The following LRP5 variants were observed in gnomAD, a reference collection of about 807,000 sequenced individuals.
LRP5 encodes low-density lipoprotein receptor-related protein 5.
In LRP5, 62 loss-of-function variants were observed where a neutral mutation model predicts 154.1. The ratio of observed to expected loss-of-function variants is 0.40; its 90% CI spans 0.33 to 0.50. The LOEUF is 0.50. Ranked by LOEUF, LRP5 falls within the 20% of genes least tolerant of loss-of-function variation. LRP5 has a pLI of 0.55. For missense variants in LRP5, 1,915 were observed against 2,336.7 expected, an observed-to-expected ratio of 0.82 and a Z score of 3.72; for synonymous variants, 966 against 1,011.5, an observed-to-expected ratio of 0.96 and a Z score of 0.85.
intron 1 of LRP5, among the ~76,000 whole-genome samples, chr11:68,324,824 G>A (rs1458335721): frequency 6.6e-6 from 1 of 152,208 alleles, no homozygotes. Context: ...CCCGTGGGCT[G>A]TGGGTCCCTG....
chr11:68,320,816 T>C lies in LRP5; in HGVS notation c.91+8011T>C, dbSNP rs192829188. Among the ~76,000 whole-genome samples the C allele has an allele frequency of 1.2e-3, 190 of 152,300 alleles. 1 individual carries two copies. Among genetic ancestry groups the C allele is most frequent in the Non-Finnish European group, 2.1e-3 (146 of 68,024 alleles). On this transcript the variant is annotated intron_variant, in intron 1 of 22. Coordinates refer to ENST00000294304, the MANE Select transcript of LRP5 (RefSeq NM_002335.4). ...GGTCTTTATTTGGTATGGACTTTAA[T>C]TCTTTGTTCTGTTTGTTTCAGGTTT...
rs1425045233 is a variant in LRP5 at position 68,318,693 on chromosome 11, A to G, written c.91+5888A>G. Reference sequence around the variant, plus strand: ...AGGTGAAGGTTCACTCAAGGAGGAAAGTGGTTTTTAGCCTTTTGAGGGGCT... The same window carrying G: ...AGGTGAAGGTTCACTCAAGGAGGAAGGTGGTTTTTAGCCTTTTGAGGGGCT... On this transcript the variant is annotated intron_variant, in intron 1 of 22. Transcript: ENST00000294304. Among the ~76,000 whole-genome samples the G allele has an allele frequency of 2.0e-5, 3 of 152,114 alleles. No individual in the cohort carries two copies. In the South Asian group the frequency reaches 6.2e-4, roughly 32 times the overall value.
chr11:68,358,126 G>GT (rs1183886660), intron 3 of LRP5, among the ~76,000 whole-genome samples: 3 of 150,364 alleles, frequency 2.0e-5, no homozygotes, highest in East Asian at 3.9e-4. Flanking sequence ...TTTTAACTTT[G>GT]TTTTTTTGAG....
At chr11:68,434,656 A>G (rs1440502990) in intron 18 of LRP5, among the ~76,000 whole-genome samples, 1 of 152,218 alleles carries the variant, frequency 6.6e-6, no homozygotes, top group Non-Finnish European at 1.5e-5. Context: ...CTGGGATTAC[A>G]GGCATGAGCC....
chr11:68,433,091 G>T (rs1365481092), intron 17 of LRP5, among the ~76,000 whole-genome samples: 1 of 152,226 alleles, frequency 6.6e-6, no homozygotes, highest in Admixed American at 6.5e-5. Context: ...GGTCACCACA[G>T]AGGCCTGGCC....
intron 1 of LRP5, among the ~76,000 whole-genome samples, chr11:68,333,660 G>A (rs189312754): frequency 6.7e-4 from 102 of 152,290 alleles, no homozygotes; most frequent in Admixed American, 1.8e-3. Context: ...TGCAGACTCC[G>A]TTATAGTCAT....
Position 68,413,936 on chromosome 11 carries a change from C to A in LRP5, c.2751C>A (p.Cys917Ter), listed in dbSNP as rs1365931048. ...ACAACGGGCAGTGTGGGCAGCTGTG[C>A]CTTGCCATCCCCGGCGGCCACCGCT... ...MHNNGQCGQL[C>*]LAIPGGHRCG... The change falls in exon 12 of 23, where the codon TGC becomes TGA. Residue 917 changes from cysteine to a stop codon, truncating the protein, a stop_gained. Transcript: ENST00000294304. LOFTEE classifies it high-confidence loss of function. This position sits in a 1 kb window ranked among gnomAD's most constrained non-coding sequence, Gnocchi z 5.1. 6.2e-7 allele frequency: 1 copy of A among 1,610,780 alleles called. No homozygotes were observed. Among genetic ancestry groups the A allele is most frequent in the Non-Finnish European group, 8.5e-7 (1 of 1,180,004 alleles).
At chr11:68,368,133 A>G (rs531738872) in intron 5 of LRP5, among the ~76,000 whole-genome samples, 1 of 152,094 alleles carries the variant, frequency 6.6e-6, no homozygotes, top group South Asian at 2.1e-4. Context: ...TATGTTGCCC[A>G]ATATCCACAA....
At chr11:68,305,843 G>A in the LRP5 span, among the ~76,000 whole-genome samples, 1 of 152,216 alleles carries the variant, frequency 6.6e-6, no homozygotes, top group Non-Finnish European at 1.5e-5. Context: ...GGTTTGTGAA[G>A]ATTAGGTACT....
intron 13 of LRP5, among the ~76,000 whole-genome samples, chr11:68,418,760 A>T (rs1317965685): frequency 6.6e-6 from 1 of 152,146 alleles, no homozygotes. Flanking sequence ...GGCAGCTGTG[A>T]TCATTGCCTC....
At chr11:68,300,603 A>G in the LRP5 span, among the ~76,000 whole-genome samples, 1 of 149,430 alleles carries the variant, frequency 6.7e-6, no homozygotes, top group Non-Finnish European at 1.5e-5. Context: ...CTTTGCACCA[A>G]GTACTTGGAC....
chr11:68,365,305 G>T (rs1348439950), intron 4 of LRP5, among the ~76,000 whole-genome samples: 1 of 152,138 alleles, frequency 6.6e-6, no homozygotes, highest in Non-Finnish European at 1.5e-5. Flanking sequence ...GTCACATCTG[G>T]GTGTGAGGGT....
At chr11:68,305,096 C>T in the LRP5 span, among the ~76,000 whole-genome samples, 1 of 151,892 alleles carries the variant, frequency 6.6e-6, no homozygotes, top group Non-Finnish European at 1.5e-5. Flanking sequence ...GATATTTGTC[C>T]CCCCAAACCT....
intron 21 of LRP5, among the ~76,000 whole-genome samples, chr11:68,441,068 TTTTTCTTTTC>T (rs1036857593): frequency 4.6e-5 from 7 of 151,546 alleles, no homozygotes; most frequent in East Asian, 1.9e-4. Flanking sequence ...GCACCTGGCC[TTTTTCTTTTC>T]TTTTCTTTTC....
chr11:68,391,717 G>A (rs1383178823), intron 7 of LRP5, among the ~76,000 whole-genome samples: 3 of 152,210 alleles, frequency 2.0e-5, no homozygotes, highest in South Asian at 4.1e-4. Flanking sequence ...TTTTGGCAAG[G>A]CCCATGTTTG....
chr11:68,374,215 C>T (rs368840773), intron 5 of LRP5, among the ~76,000 whole-genome samples: 32 of 152,354 alleles, frequency 2.1e-4, no homozygotes, highest in East Asian at 1.4e-3. Context: ...AAGCCCCTCA[C>T]GTCCCTCCGT....
intron 5 of LRP5, among the ~76,000 whole-genome samples, chr11:68,373,424 T>G (rs1238989492): frequency 6.6e-6 from 1 of 152,070 alleles, no homozygotes; most frequent in African/African-American, 2.4e-5. Context: ...GCCTTCAAGG[T>G]GGCACTATTT....
rs1392371506 is a variant in LRP5, at chr11:68,390,713, C to T, written c.1584+661C>T. On this transcript the variant is annotated intron_variant, in intron 7 of 22. Coordinates refer to ENST00000294304, the MANE Select transcript of LRP5 (RefSeq NM_002335.4). The stretch of plus-strand genomic sequence containing the variant: ...CGCAGCCTCGCCCTGCCGCTGTGGT[C>T]GGGTTTCAGTGGCCTCGTCCTGTGG... Among the ~76,000 whole-genome samples the T allele has an allele frequency of 1.4e-4, 10 of 69,262 alleles. No individual in the cohort carries two copies. The South Asian group carries it at 5.3e-3, about 37-fold the overall frequency. 45.4% of individuals were successfully genotyped at this position (69,262 alleles called of 152,430 possible).
At chr11:68,320,189 A>G (rs1193728384) in intron 1 of LRP5, among the ~76,000 whole-genome samples, 2 of 152,164 alleles carry the variant, frequency 1.3e-5, no homozygotes, top group Non-Finnish European at 2.9e-5. Flanking sequence ...AAGCATACAT[A>G]CATACATAAC....
Sources: gnomAD v4.1 joint callset for allele counts (sites outside exome capture counted in the v4.1 genomes callset) on GRCh38, gnomAD v4.1.1 for gene constraint, Gnocchi (gnomAD v3.1) non-coding constraint, MANE v1.5 for transcripts, NCBI Gene and HGNC (gene_info 2026-07-23, HGNC 2026-07-21) for gene names.